The following ADAMTSL1 variants were observed in gnomAD, a reference collection of about 807,000 sequenced individuals.
ADAMTSL1 encodes ADAMTS like 1, also known as ADAMTS-like protein 1.
In ADAMTSL1, 126 loss-of-function variants were observed where a neutral mutation model predicts 201.8. That is an observed-to-expected ratio of 0.62 (90% CI 0.54 to 0.72). ADAMTSL1 has a LOEUF of 0.72. Among genes scored for constraint, ADAMTSL1 ranks in the 30% least tolerant of loss-of-function variants. The pLI is 0.00. For synonymous variants in ADAMTSL1, 1,121 were observed against 903.4 expected, an observed-to-expected ratio of 1.24 and a Z score of -4.32; for missense variants, 2,679 against 2,277.8, an observed-to-expected ratio of 1.18 and a Z score of -3.59.
intron 2 of ADAMTSL1, among the ~76,000 whole-genome samples, chr9:18,173,316 A>G (rs961903548): frequency 6.6e-5 from 10 of 152,106 alleles, no homozygotes; most frequent in Admixed American, 5.2e-4. Flanking sequence ...TTGCCTCACA[A>G]TATAATTAAG....
intron 26 of ADAMTSL1, among the ~76,000 whole-genome samples, 151 bp downstream of exon 26, chr9:18,892,747 G>A (rs919539709): frequency 1.3e-5 from 2 of 152,172 alleles, no homozygotes; most frequent in African/African-American, 4.8e-5. Flanking sequence ...GTCCAGCTGA[G>A]ACACCCCCAG....
chr9:18,546,389 A>G lies in ADAMTSL1; in HGVS notation c.237+13097A>G, dbSNP rs746319225. On this transcript the variant is annotated intron_variant, in intron 3 of 28. Coordinates refer to ENST00000380548, the MANE Select transcript of ADAMTSL1 (RefSeq NM_001040272.6). ...TGCACGGGTACAATCACAGCTCACT[A>G]TAACCTCAAACTCCTGGACTCAAGT... 1.6e-4 allele frequency among the ~76,000 whole-genome samples: 24 copies of G among 152,056 alleles called. 1 individual carries two copies. Among genetic ancestry groups the G allele is most frequent in the African/African-American group, 5.6e-4 (23 of 41,398 alleles).
intron 13 of ADAMTSL1, among the ~76,000 whole-genome samples, chr9:18,698,073 T>A (rs1287477978): frequency 6.6e-6 from 1 of 152,192 alleles, no homozygotes; most frequent in African/African-American, 2.4e-5. Flanking sequence ...TATAAAGCAC[T>A]TAGAGTAGTG....
At chr9:18,448,284 G>A (rs1820274188) in intron 2 of ADAMTSL1, among the ~76,000 whole-genome samples, 1 of 152,172 alleles carries the variant, frequency 6.6e-6, no homozygotes, top group African/African-American at 2.4e-5. Context: ...CAGCCAGCCA[G>A]TGTGGGAAGG....
chr9:18,011,863 G>C (rs1164858280), intron 1 of ADAMTSL1, among the ~76,000 whole-genome samples: 1 of 151,956 alleles, frequency 6.6e-6, no homozygotes, highest in Non-Finnish European at 1.5e-5. Flanking sequence ...GAGTTGCCTT[G>C]AAAGGGGAAC....
Position 18,777,463 on chromosome 9 carries a change from G to A in ADAMTSL1, c.3234G>A (p.Leu1078=), listed in dbSNP as rs778231766. The change falls in exon 19 of 29, where the codon CTG becomes CTA. Residue 1078 remains leucine (L), a synonymous_variant. Transcript: ENST00000380548. ...CCATGGTGACCGAGCAGCGGCGCCTGGACGACATCCTGGGGAACCTCTCCC... is the reference window on the plus strand; with the variant it reads ...CCATGGTGACCGAGCAGCGGCGCCTAGACGACATCCTGGGGAACCTCTCCC... ...PFTMVTEQRR[L]DDILGNLSQQ... is the part of the protein sequence containing the mutation. 70 of 1,594,502 alleles carry A rather than the reference G, an allele frequency of 4.4e-5. 1 individual carries two copies. In the Middle Eastern group the frequency reaches 1.5e-3, roughly 34 times the overall value.
intron 2 of ADAMTSL1, among the ~76,000 whole-genome samples, chr9:18,183,033 A>T (rs1167142240): frequency 1.3e-5 from 2 of 152,192 alleles, no homozygotes; most frequent in African/African-American, 4.8e-5. Flanking sequence ...ATTAATTCCT[A>T]TATGTTATTG....
intron 9 of ADAMTSL1, among the ~76,000 whole-genome samples, chr9:18,665,079 T>C (rs1241077179): frequency 6.6e-6 from 1 of 152,110 alleles, no homozygotes; most frequent in Admixed American, 6.6e-5. Flanking sequence ...TCCTCAGTTA[T>C]GTCTAGTTGA....
At chr9:18,865,984 C>T (rs1176528795) in intron 23 of ADAMTSL1, among the ~76,000 whole-genome samples, 7 of 152,014 alleles carry the variant, frequency 4.6e-5, no homozygotes, top group Middle Eastern at 6.8e-3. Flanking sequence ...CTGTGAACTT[C>T]TTCGTTGAAG....
At chr9:18,574,001 T>C in intron 3 of ADAMTSL1, 29 bp from the exon 4 acceptor site, 3 of 1,592,204 alleles carry the variant, frequency 1.9e-6, no homozygotes, top group Non-Finnish European at 2.6e-6. Context: ...TCCTAACCTT[T>C]GTATGTCCTT....
chr9:18,276,778 A>G (rs1040673639), intron 2 of ADAMTSL1, among the ~76,000 whole-genome samples: 1 of 152,316 alleles, frequency 6.6e-6, no homozygotes, highest in Admixed American at 6.5e-5. Context: ...ATGAACTAAT[A>G]AAGTGAGAAC....
chr9:18,783,341 A>G (rs901967703), intron 19 of ADAMTSL1, among the ~76,000 whole-genome samples: 3 of 152,178 alleles, frequency 2.0e-5, no homozygotes, highest in African/African-American at 4.8e-5. Context: ...CAACGTGCAT[A>G]ATAATTAACA....
chr9:18,900,526 C>T (rs1829946056), intron 26 of ADAMTSL1, among the ~76,000 whole-genome samples: 1 of 152,074 alleles, frequency 6.6e-6, no homozygotes, highest in South Asian at 2.1e-4. Context: ...TGGAATCAAC[C>T]CAAATGCCCA....
At chr9:18,101,070 C>G (rs1234242582) in intron 1 of ADAMTSL1, among the ~76,000 whole-genome samples, 1 of 152,144 alleles carries the variant, frequency 6.6e-6, no homozygotes, top group Non-Finnish European at 1.5e-5. Context: ...TTTTCTTTCT[C>G]TTTCTGTCAT....
chr9:18,123,255 T>C (rs1357709564), intron 1 of ADAMTSL1, among the ~76,000 whole-genome samples: 1 of 152,208 alleles, frequency 6.6e-6, no homozygotes, highest in East Asian at 1.9e-4. Context: ...ATTTTATGCA[T>C]TTCAGTTTTC....
intron 2 of ADAMTSL1, among the ~76,000 whole-genome samples, chr9:18,327,675 A>G (rs1834880249): frequency 6.6e-6 from 1 of 152,210 alleles, no homozygotes; most frequent in Admixed American, 6.5e-5. Context: ...TTGTTTTGTT[A>G]GGCAAATGGA....
chr9:18,207,323 A>C (rs946509479), intron 2 of ADAMTSL1, among the ~76,000 whole-genome samples: 2 of 152,154 alleles, frequency 1.3e-5, no homozygotes, highest in Non-Finnish European at 2.9e-5. Flanking sequence ...CACTTGTGTG[A>C]TTTGTCAGAC....
upstream of ADAMTSL1, among the ~76,000 whole-genome samples, chr9:18,471,180 G>A (rs1888069): frequency 0.04 from 6,080 of 152,116 alleles, 363 homozygotes; most frequent in African/African-American, 0.13. Context: ...ATATACCCAT[G>A]GTAAACCCTG....
At chr9:17,986,208 C>G (rs1818922530) in intron 1 of ADAMTSL1, among the ~76,000 whole-genome samples, 1 of 151,978 alleles carries the variant, frequency 6.6e-6, no homozygotes, top group African/African-American at 2.4e-5. Flanking sequence ...AATGCCAGTC[C>G]CGTATCCCTG....
Sources: gnomAD v4.1 joint callset for allele counts (sites outside exome capture counted in the v4.1 genomes callset) on GRCh38, gnomAD v4.1.1 for gene constraint, MANE v1.5 for transcripts, NCBI Gene and HGNC (gene_info 2026-07-23, HGNC 2026-07-21) for gene names.